DRC3: variants seen among roughly 807,000 people sequenced by gnomAD.
The protein encoded by DRC3 is dynein regulatory complex subunit 3.
A neutral mutation model predicts 57.6 loss-of-function variants in DRC3; 45 were observed. The observed-to-expected ratio is 0.78, with a 90% CI of 0.62 to 1.00. DRC3 has a LOEUF of 1.00. Among genes scored for constraint, DRC3 ranks in the 50% least tolerant of loss-of-function variants. DRC3 has a pLI of 0.00. For missense variants in DRC3, 655 were observed against 675.2 expected, an observed-to-expected ratio of 0.97 and a Z score of 0.33; for synonymous variants, 257 against 272.3, an observed-to-expected ratio of 0.94 and a Z score of 0.55.
At chr17:17,981,035 G>A (rs950074165) in intron 3 of DRC3, among the ~76,000 whole-genome samples, 4 of 152,148 alleles carry the variant, frequency 2.6e-5, no homozygotes, top group Non-Finnish European at 4.4e-5. Flanking sequence ...GAGCAGCAGC[G>A]CTGCCTCTCC....
intron 2 of DRC3, among the ~76,000 whole-genome samples, chr17:17,976,172 G>A (rs144883118): frequency 2.8e-4 from 43 of 152,224 alleles, no homozygotes; most frequent in African/African-American, 1.0e-3. Context: ...GACAAAGATA[G>A]GAAGTAGGGC....
intron 9 of DRC3, 95 bp downstream of exon 9, chr17:17,997,729 C>T: frequency 1.7e-6 from 2 of 1,174,610 alleles, no homozygotes; most frequent in Non-Finnish European, 1.2e-6. Flanking sequence ...AACTCCTGTA[C>T]CCTCTGATGA....
intron 11 of DRC3, chr17:18,006,461 A>G (rs7219324): frequency 0.39 from 227,283 of 588,982 alleles, 48,530 homozygotes; most frequent in South Asian, 0.7. Context: ...GATTGTTCTC[A>G]TATGAGTGAT....
intron 6 of DRC3, 64 bp from the exon 7 acceptor site, chr17:17,994,235 A>ATGGCAGAGGCGGTG: frequency 6.5e-7 from 1 of 1,540,680 alleles, no homozygotes; most frequent in Middle Eastern, 1.7e-4. Context: ...CAGAGGCGGC[A>ATGGCAGAGGCGGTG]TGGCAGAGGC....
At chr17:18,013,002 A>C (rs561311397) in intron 12 of DRC3, among the ~76,000 whole-genome samples, 10 of 152,222 alleles carry the variant, frequency 6.6e-5, no homozygotes, top group Non-Finnish European at 1.5e-4. Context: ...ATCTGAACAG[A>C]TGTTTCTCAA....
At chr17:17,993,438 AAGATGCCATTGC>A (rs1156377500) in intron 6 of DRC3, 2 of 152,650 alleles carry the variant, frequency 1.3e-5, no homozygotes, top group African/African-American at 4.8e-5. Flanking sequence ...GTGAACTAAG[AAGATGCCATTGC>A]ACTCCAGCCT....
intron 5 of DRC3, 26 bp downstream of exon 5, chr17:17,988,124 A>C (rs1438909558): frequency 6.2e-7 from 1 of 1,607,430 alleles, no homozygotes; most frequent in African/African-American, 1.3e-5. Flanking sequence ...GCCCGCCCTC[A>C]CGCACACCTG....
chr17:18,006,029 G>C (rs1337612852), intron 10 of DRC3, 154 bp from the exon 11 acceptor site: 1 of 649,546 alleles, frequency 1.5e-6, no homozygotes, highest in Non-Finnish European at 2.8e-6. Context: ...AGAGGGGTCA[G>C]TTCACAACCA....
chr17:18,013,669 T>G (rs1375200361), intron 12 of DRC3, among the ~76,000 whole-genome samples: 3 of 152,076 alleles, frequency 2.0e-5, no homozygotes, highest in African/African-American at 7.2e-5. Context: ...AGGGAGAGAT[T>G]TGTTAAAGGA....
intron 5 of DRC3, among the ~76,000 whole-genome samples, chr17:17,992,095 C>A (rs2043258406): frequency 6.6e-6 from 1 of 152,102 alleles, no homozygotes; most frequent in Non-Finnish European, 1.5e-5. Flanking sequence ...GGCAACATGG[C>A]AAAATCCCAT....
In DRC3 at chr17:18,007,147, G is replaced by C. The variant is rs368285580; in HGVS notation, c.1326G>C (p.Ala442=). Residue 442 remains alanine (A), a splice_region_variant and synonymous_variant, in exon 12 of 14, where the codon GCG becomes GCC. Transcript: ENST00000399187. ...LDEDLPNDLR[A]LFVDKDTIVN... Reference sequence around the variant, plus strand: ...AGGACCTGCCTAACGACCTGCGCGCGGTAGGCGGGGCGGGCTGCTCGGAGC... The same window carrying C: ...AGGACCTGCCTAACGACCTGCGCGCCGTAGGCGGGGCGGGCTGCTCGGAGC... The C allele has an allele frequency of 2.0e-6, 3 of 1,504,812 alleles. No homozygotes were observed. The highest frequency in any genetic ancestry group is 8.9e-7 in the Non-Finnish European group (1 of 1,117,924). The allele number at this position is 1,504,812 out of a possible 1,614,324, so 93.2% of individuals were successfully genotyped here. A position where few individuals can be genotyped will look rare whatever the true frequency, so the allele number is the denominator to read the frequency against.
Position 17,999,769 on chromosome 17 carries a change from G to A in DRC3, c.999+2135G>A, listed in dbSNP as rs2043613535. Among the ~76,000 whole-genome samples the A allele has an allele frequency of 2.0e-5, 3 of 152,366 alleles. 1 individual carries two copies. In the South Asian group the frequency reaches 6.2e-4, roughly 32 times the overall value. On this transcript the variant is annotated intron_variant, in intron 9 of 13. Transcript: ENST00000399187. ...AGAAACAGAGAGGGAAAGCACTTGT[G>A]CAAGGCCTGGAGCAGAGTCAGCCCA...
chr17:17,979,699 G>A (rs1353190980), intron 3 of DRC3, among the ~76,000 whole-genome samples: 2 of 152,218 alleles, frequency 1.3e-5, no homozygotes, highest in Admixed American at 6.5e-5. Context: ...GCCACAGGGG[G>A]AGTGCTACTG....
intron 3 of DRC3, among the ~76,000 whole-genome samples, chr17:17,983,057 T>C (rs988997299): frequency 6.6e-6 from 1 of 152,222 alleles, no homozygotes; most frequent in African/African-American, 2.4e-5. Context: ...TTCAGAACTC[T>C]CCTGGCTGCC....
chr17:17,992,844 A>C lies in DRC3; in HGVS notation c.524A>C (p.Lys175Thr), dbSNP rs764372619. 4.3e-6 allele frequency: 7 copies of C among 1,613,856 alleles called. No homozygotes were observed. Among genetic ancestry groups the C allele is most frequent in the Middle Eastern group, 1.6e-4 (1 of 6,084 alleles). Residue 175 changes from lysine (K) to threonine (T), a missense_variant, in exon 6 of 14, where the codon AAG (lysine) becomes ACG (threonine). Transcript: ENST00000399187. ...RNPISEAEDYKMFICAYLPDL... is the reference protein window; with the variant it reads ...RNPISEAEDYTMFICAYLPDL... ...CCTATCTCTGAGGCAGAGGATTACA[A>C]GATGTTCATCTGTGCCTACCTTCCT...
At chr17:17,992,686 T>TA in intron 5 of DRC3, 79 bp from the exon 6 acceptor site, 3 of 1,470,728 alleles carry the variant, frequency 2.0e-6, no homozygotes, top group Non-Finnish European at 2.8e-6. Context: ...TCTGAAAGAG[T>TA]ACTGAGGAGG....
intron 5 of DRC3, 147 bp from the exon 6 acceptor site, chr17:17,992,618 C>T (rs1028610427): frequency 1.0e-5 from 8 of 801,896 alleles, no homozygotes; most frequent in Middle Eastern, 3.7e-4. Context: ...AACACCCCCA[C>T]GCCTGCACAC....
At position 17,994,413 on chromosome 17, in the gene DRC3, C is replaced by T. The variant is rs1265714779; in HGVS notation, c.706C>T (p.His236Tyr). The T allele has an allele frequency of 6.4e-7, 1 of 1,552,112 alleles. No homozygotes were observed. The highest frequency in any genetic ancestry group is 8.7e-7 in the Non-Finnish European group (1 of 1,147,496). ...GGCGCAGCGGGAGGAGCTAGAGAAG[C>T]ACAAGGTACCGTTCCGGCAGGCTGC... is the stretch of plus-strand genomic sequence containing the variant. Reference protein sequence around the residue: ...EQAQREELEKHKTAFVEHLNG... With the variant: ...EQAQREELEKYKTAFVEHLNG... The change falls in exon 7 of 14, where the codon CAC becomes TAC. Residue 236 changes from histidine to tyrosine, a missense_variant. Transcript: ENST00000399187.
At chr17:17,995,179 G>T in intron 8 of DRC3, 68 bp downstream of exon 8, 7 of 1,093,740 alleles carry the variant, frequency 6.4e-6, no homozygotes, top group Non-Finnish European at 9.7e-6. Context: ...GGCCCCTTCC[G>T]CTCTAGGCCT....
Sources: allele counts gnomAD v4.1 joint callset (sites outside exome capture counted in the v4.1 genomes callset), GRCh38; gene constraint gnomAD v4.1.1; transcripts MANE v1.5; gene names NCBI Gene and HGNC (gene_info 2026-07-23, HGNC 2026-07-21).